The following SPAG6 variants were observed in gnomAD, a reference collection of about 807,000 sequenced individuals.
The protein encoded by SPAG6 is sperm associated antigen 6.
In SPAG6, 49 loss-of-function variants were observed where a neutral mutation model predicts 58.5. That is an observed-to-expected ratio of 0.84 (90% CI 0.67 to 1.06). The LOEUF (loss-of-function observed/expected upper bound fraction) is 1.06, where lower values mean the gene tolerates loss of function less well. Among genes scored for constraint, SPAG6 ranks in the 50% least tolerant of loss-of-function variants. The pLI is 0.00. For synonymous variants in SPAG6, 233 were observed against 225.6 expected, an observed-to-expected ratio of 1.03 and a Z score of -0.29; for missense variants, 560 against 611.3, an observed-to-expected ratio of 0.92 and a Z score of 0.89.
chr10:22,403,404 G>A (rs1315775308), intron 9 of SPAG6, among the ~76,000 whole-genome samples: 3 of 151,978 alleles, frequency 2.0e-5, no homozygotes, highest in Non-Finnish European at 2.9e-5. Flanking sequence ...TTGTTCTTGC[G>A]ATAGTTTACT....
chr10:22,374,322 C>G (rs978318561), intron 4 of SPAG6, among the ~76,000 whole-genome samples: 5 of 152,026 alleles, frequency 3.3e-5, no homozygotes, highest in Non-Finnish European at 2.9e-5. Context: ...TGACTAAGAC[C>G]TCGTGTGTGG....
At chr10:22,364,294 A>C (rs1056583460) in intron 2 of SPAG6, among the ~76,000 whole-genome samples, 3 of 152,186 alleles carry the variant, frequency 2.0e-5, no homozygotes, top group Non-Finnish European at 4.4e-5. Context: ...CTTGCATATA[A>C]TAAGTCCTTG....
intron 4 of SPAG6, among the ~76,000 whole-genome samples, chr10:22,372,316 A>T (rs2132059798): frequency 6.6e-6 from 1 of 152,364 alleles, no homozygotes; most frequent in African/African-American, 2.4e-5. Flanking sequence ...TTCTATTAAC[A>T]TATTTATTTA....
At position 22,365,010 on chromosome 10, in the gene SPAG6, A is replaced by G; in HGVS notation, c.279A>G (p.Ala93=). Residue 93 remains alanine (A), a synonymous_variant, in exon 3 of 11, where the codon GCA becomes GCG. Transcript: ENST00000376624. ...TTCCACAGCTTGTTTATTCATTGGC[A>G]GAACAGAATGTAAGAATTAAAAAAA... is the stretch of plus-strand genomic sequence containing the variant. The part of the protein sequence containing the change: ...DILPQLVYSL[A]EQNRFYKKAA... The G allele has an allele frequency of 6.3e-7, 1 of 1,590,804 alleles. No individual in the cohort carries two copies. The highest frequency in any genetic ancestry group is 1.7e-4 in the Middle Eastern group (1 of 5,950).
intron 2 of SPAG6, among the ~76,000 whole-genome samples, chr10:22,358,809 G>C (rs1201760260): frequency 6.6e-6 from 1 of 152,206 alleles, no homozygotes; most frequent in Non-Finnish European, 1.5e-5. Flanking sequence ...TGGCTAGCCA[G>C]TTTTCGAGAA....
chr10:22,380,921 G>T (rs1833938753), intron 4 of SPAG6, among the ~76,000 whole-genome samples: 1 of 150,494 alleles, frequency 6.6e-6, no homozygotes. Context: ...TTTTCTTTTT[G>T]GAGAACCTCT....
intron 3 of SPAG6, among the ~76,000 whole-genome samples, chr10:22,366,695 CT>C (rs1837211435): frequency 6.6e-6 from 1 of 152,242 alleles, no homozygotes; most frequent in South Asian, 2.1e-4. Context: ...TTTTATTTTT[CT>C]TGTGGATATT....
intron 2 of SPAG6, among the ~76,000 whole-genome samples, chr10:22,349,263 G>T (rs1355221723): frequency 6.6e-6 from 1 of 151,560 alleles, no homozygotes; most frequent in Non-Finnish European, 1.5e-5. Context: ...TAAATTAAAA[G>T]AACTCATATG....
At chr10:22,347,796 G>C (rs1486502255) in intron 2 of SPAG6, among the ~76,000 whole-genome samples, 2 of 152,164 alleles carry the variant, frequency 1.3e-5, no homozygotes, top group East Asian at 3.8e-4. Flanking sequence ...TTTATGTTTT[G>C]AAATTCTCTG....
At position 22,386,871 on chromosome 10, in the gene SPAG6, A is replaced by G. The variant is rs1466081154; in HGVS notation, c.590A>G (p.His197Arg). ...AASALSDIAKHSPELAQTVVD... is the reference protein window; with the variant it reads ...AASALSDIAKRSPELAQTVVD... Reference sequence around the variant, plus strand: ...TCGGCCCTCAGTGATATTGCAAAGCATTCTCCAGAGTTAGCACAGACAGTA... The same window carrying G: ...TCGGCCCTCAGTGATATTGCAAAGCGTTCTCCAGAGTTAGCACAGACAGTA... Residue 197 changes from histidine (H) to arginine (R), a missense_variant, in exon 5 of 11, where the codon CAT (histidine) becomes CGT (arginine). By Grantham distance (29) the His-to-Arg change is conservative (BLOSUM62 0). Transcript: ENST00000376624. 1.9e-6 allele frequency: 3 copies of G among 1,613,866 alleles called. No individual in the cohort carries two copies. The highest frequency in any genetic ancestry group is 2.5e-6 in the Non-Finnish European group (3 of 1,179,826).
At chr10:22,411,199 C>A (rs747550966) in intron 10 of SPAG6, 23 bp downstream of exon 10, 7 of 1,585,880 alleles carry the variant, frequency 4.4e-6, no homozygotes, top group Non-Finnish European at 5.2e-6. Flanking sequence ...GACTTTGAAA[C>A]GTTCAATATT....
chr10:22,413,066 C>CAAAAAAAAAAAAAAAAAA (rs775680159), intron 10 of SPAG6: 10 of 43,288 alleles, frequency 2.3e-4, no homozygotes, highest in Non-Finnish European at 3.7e-4. Flanking sequence ...CAGAAAGATG[C>CAAAAAAAAAAAAAAAAAA]AAAAAAAAAA....
At chr10:22,397,678 G>A (rs1236026351) in intron 8 of SPAG6, among the ~76,000 whole-genome samples, 1 of 152,058 alleles carries the variant, frequency 6.6e-6, no homozygotes, top group Non-Finnish European at 1.5e-5. Flanking sequence ...AGAAAATAAT[G>A]TTATTCATAA....
At chr10:22,356,628 C>T (rs1482611774) in intron 2 of SPAG6, among the ~76,000 whole-genome samples, 1 of 152,226 alleles carries the variant, frequency 6.6e-6, no homozygotes, top group Non-Finnish European at 1.5e-5. Flanking sequence ...CAACAGTGGG[C>T]AACAACTATA....
chr10:22,395,275 C>G (rs1438765520), intron 8 of SPAG6, among the ~76,000 whole-genome samples: 3 of 152,174 alleles, frequency 2.0e-5, no homozygotes, highest in African/African-American at 7.2e-5. Context: ...AGGGATGAAA[C>G]TGCTGGGTCA....
intron 10 of SPAG6, chr10:22,412,388 A>C (rs1451193971): frequency 5.5e-6 from 5 of 916,038 alleles, no homozygotes; most frequent in Non-Finnish European, 8.4e-6. Context: ...TAATTTTAAA[A>C]GCACAAAAGC....
At chr10:22,347,344 A>G (rs1323084162) in intron 2 of SPAG6, among the ~76,000 whole-genome samples, 1 of 152,224 alleles carries the variant, frequency 6.6e-6, no homozygotes, top group Non-Finnish European at 1.5e-5. Flanking sequence ...CTGGGCACAC[A>G]GTATTTCATA....
intron 8 of SPAG6, among the ~76,000 whole-genome samples, chr10:22,398,194 C>T (rs1347994252): frequency 6.6e-6 from 1 of 152,172 alleles, no homozygotes; most frequent in East Asian, 1.9e-4. Flanking sequence ...ATTGTATCCT[C>T]AAGTAAAAAT....
At position 22,387,975 on chromosome 10, in the gene SPAG6, G is replaced by T. The variant is rs1834107171; in HGVS notation, c.831G>T (p.Glu277Asp). The change falls in exon 6 of 11, where the codon GAG (glutamate) becomes GAT (aspartate). Residue 277 changes from glutamate to aspartate, a missense_variant. Glu to Asp is a conservative substitution (Grantham distance 45, BLOSUM62 2). Transcript: ENST00000376624. ...AAAATGCTTCTACTTTAATTAGAGA[G>T]ATTGCAAAACATACACCCGAGGTGA... The part of the protein sequence containing the change: ...VKKNASTLIR[E>D]IAKHTPELSQ... 1 of 1,610,688 alleles carries T rather than the reference G, an allele frequency of 6.2e-7. No homozygotes were observed. Among genetic ancestry groups the T allele is most frequent in the Non-Finnish European group, 8.5e-7 (1 of 1,178,622 alleles).
Sources: gnomAD v4.1 joint callset for allele counts (sites outside exome capture counted in the v4.1 genomes callset) on GRCh38, gnomAD v4.1.1 for gene constraint, MANE v1.5 for transcripts, NCBI Gene and HGNC (gene_info 2026-07-23, HGNC 2026-07-21) for gene names.